The following FRMD6 variants were observed in gnomAD, a reference collection of about 807,000 sequenced individuals.
FRMD6 encodes the protein FERM domain-containing protein 6.
FRMD6 carries 37 observed loss-of-function variants against 73.2 expected under a neutral mutation model. The observed-to-expected ratio is 0.51, with a 90% CI of 0.39 to 0.66. The LOEUF (loss-of-function observed/expected upper bound fraction) is 0.66. Among genes scored for constraint, FRMD6 ranks in the 30% least tolerant of loss-of-function variants. FRMD6 has a pLI of 0.00. For synonymous variants in FRMD6, 273 were observed against 282.2 expected (o/e 0.97, Z 0.33); for missense variants, 714 against 780.5 (o/e 0.91, Z 1.02).
At chr14:51,698,718 T>G (rs1896103885) in intron 3 of FRMD6, among the ~76,000 whole-genome samples, 2 of 152,058 alleles carry the variant, frequency 1.3e-5, no homozygotes, top group Non-Finnish European at 1.5e-5. Flanking sequence ...CCCTTCTCTT[T>G]TTTCCAGTCA....
chr14:51,532,746 T>TG, intron 1 of FRMD6, among the ~76,000 whole-genome samples: 1 of 152,384 alleles, frequency 6.6e-6, no homozygotes, highest in Admixed American at 6.5e-5. Flanking sequence ...TACTTAGTTC[T>TG]GTCATTATTT....
At chr14:51,416,655 G>T in the FRMD6 span, among the ~76,000 whole-genome samples, 2 of 152,244 alleles carry the variant, frequency 1.3e-5, no homozygotes, top group Non-Finnish European at 2.9e-5. Context: ...GAGTTCTGTA[G>T]ATGTCTATTA....
chr14:51,576,433 C>T (rs10138122), intron 2 of FRMD6, among the ~76,000 whole-genome samples: 4,681 of 152,288 alleles, frequency 0.031, 239 homozygotes, highest in African/African-American at 0.1. Context: ...AGGCAGTTCA[C>T]GCTGACTGAA....
chr14:51,407,157 T>G, the FRMD6 span, among the ~76,000 whole-genome samples: 3 of 152,166 alleles, frequency 2.0e-5, no homozygotes, highest in Non-Finnish European at 2.9e-5. Context: ...TAGTATTATT[T>G]TTTTTAAATG....
intron 2 of FRMD6, among the ~76,000 whole-genome samples, chr14:51,627,405 G>A (rs1272829935): frequency 6.6e-6 from 1 of 152,194 alleles, no homozygotes; most frequent in Non-Finnish European, 1.5e-5. Context: ...GGCTTGAAAT[G>A]TTGCATATAG....
In FRMD6 at chr14:51,688,874, A is replaced by G. The variant is rs80197376; in HGVS notation, c.-146-817A>G. ...ATTGAAAATTGGAGATAAAATTTCT[A>G]TTACTTGCAAACAAAATTCTCTATG... On this transcript the variant is annotated intron_variant, in intron 1 of 13. Transcript: ENST00000344768. Among the ~76,000 whole-genome samples, 96 of 152,344 alleles carry G rather than the reference A, an allele frequency of 6.3e-4. 1 individual carries two copies. In the East Asian group the frequency reaches 0.018, roughly 28 times the overall value.
intron 2 of FRMD6, among the ~76,000 whole-genome samples, chr14:51,642,473 T>C (rs1271378908): frequency 9.9e-5 from 15 of 152,016 alleles, no homozygotes; most frequent in Admixed American, 9.8e-4. Context: ...GAGGTGGAGG[T>C]TGCAGTGAGC....
intron 1 of FRMD6, among the ~76,000 whole-genome samples, chr14:51,507,828 A>C (rs959802775): frequency 3.3e-5 from 5 of 152,190 alleles, no homozygotes; most frequent in African/African-American, 4.8e-5. Flanking sequence ...TGGTGGCAAC[A>C]ATTGCCTCCT....
chr14:51,605,691 A>C (rs1489012730), intron 2 of FRMD6, among the ~76,000 whole-genome samples: 1 of 152,174 alleles, frequency 6.6e-6, no homozygotes, highest in Non-Finnish European at 1.5e-5. Flanking sequence ...TTAGCTTTCT[A>C]TTGGATCTGG....
intron 1 of FRMD6, among the ~76,000 whole-genome samples, chr14:51,499,296 T>C (rs935969657): frequency 8.5e-5 from 13 of 152,212 alleles, no homozygotes; most frequent in Admixed American, 7.9e-4. Context: ...CTTTCATTAA[T>C]ATACAAGAGA....
intron 1 of FRMD6, chr14:51,491,673 A>G (rs1407595140): frequency 6.6e-6 from 1 of 152,242 alleles, no homozygotes; most frequent in Non-Finnish European, 1.5e-5. Context: ...TGAAACCAAA[A>G]TGGACGCTTA....
chr14:51,442,161 A>G, the FRMD6 span, among the ~76,000 whole-genome samples: 1 of 152,188 alleles, frequency 6.6e-6, no homozygotes, highest in Non-Finnish European at 1.5e-5. Flanking sequence ...GCATTTGTGG[A>G]TGACAGTGAC....
intron 1 of FRMD6, among the ~76,000 whole-genome samples, chr14:51,563,848 A>G (rs1205505623): frequency 2.0e-5 from 3 of 152,258 alleles, no homozygotes; most frequent in African/African-American, 7.2e-5. Flanking sequence ...CACTGATAGT[A>G]AGGTTTCTAA....
chr14:51,469,878 G>A, the FRMD6 span, among the ~76,000 whole-genome samples: 1 of 151,906 alleles, frequency 6.6e-6, no homozygotes, highest in African/African-American at 2.4e-5. Context: ...ACCTTTCTAT[G>A]GAAATCATTT....
chr14:51,715,113 C>G (rs1897167205), intron 9 of FRMD6: 1 of 400,134 alleles, frequency 2.5e-6, no homozygotes, highest in East Asian at 4.1e-5. Context: ...ACTGACAGAC[C>G]CTTGTGGCTA....
rs141808635 is a variant in FRMD6, at chr14:51,528,745, A to C, written c.-210+39325A>C. 2.3e-4 allele frequency among the ~76,000 whole-genome samples: 35 copies of C among 152,284 alleles called. No homozygotes were observed. The East Asian group carries it at 6.6e-3, about 29-fold the overall frequency. On this transcript the variant is annotated intron_variant, in intron 1 of 14. Transcript: ENST00000356218. ...AAGAGGAAATCATTTGATAGTTCTG[A>C]TATCCTGTGGTTCTTTTATATCAGA...
rs1401668020 is a variant in FRMD6 at position 51,581,217 on chromosome 14, G to T, written c.-147+10807G>T. Among the ~76,000 whole-genome samples, 3 of 152,030 alleles carry T rather than the reference G, an allele frequency of 2.0e-5. No homozygotes were observed. In the East Asian group the frequency reaches 5.8e-4, roughly 29 times the overall value. On this transcript the variant is annotated intron_variant, in intron 2 of 14. Transcript: ENST00000356218. ...CCCACACTTCCCACACTGTACAAAT[G>T]CTTCTCTCTCATCCTCAGTCTCTCC...
the FRMD6 span, among the ~76,000 whole-genome samples, chr14:51,464,906 T>C: frequency 6.6e-6 from 1 of 152,110 alleles, no homozygotes; most frequent in Non-Finnish European, 1.5e-5. Context: ...ATGCAGAAAC[T>C]GAAATTTAGG....
At chr14:51,656,176 G>GTA (rs1346284262) in intron 1 of FRMD6, among the ~76,000 whole-genome samples, 14 of 152,228 alleles carry the variant, frequency 9.2e-5, no homozygotes, top group Middle Eastern at 3.4e-3. Flanking sequence ...ATCACTTTTT[G>GTA]TATATATCAA....
Sources: allele counts gnomAD v4.1 joint callset (sites outside exome capture counted in the v4.1 genomes callset), GRCh38; gene constraint gnomAD v4.1.1; transcripts MANE v1.5; gene names NCBI Gene and HGNC (gene_info 2026-07-23, HGNC 2026-07-21).